Variants in CDYL observed in about 807,000 individuals in gnomAD.
CDYL encodes the protein chromodomain Y like.
Under a neutral mutation model 47.3 loss-of-function variants are expected in CDYL, and 8 were observed. The observed-to-expected ratio is 0.17, with a 90% CI of 0.10 to 0.31. The LOEUF (loss-of-function observed/expected upper bound fraction) is 0.31. CDYL is among the 10% of genes least tolerant of loss of function. CDYL has a pLI of 1.00. For synonymous variants in CDYL, 266 were observed against 265.0 expected (o/e 1.00, Z -0.04); for missense variants, 471 against 701.4 (o/e 0.67, Z 3.71).
intron 1 of CDYL, among the ~76,000 whole-genome samples, chr6:4,783,636 C>G (rs893174899): frequency 1.2e-4 from 18 of 152,032 alleles, no homozygotes; most frequent in African/African-American, 4.3e-4. Context: ...AGGCTAGTCT[C>G]GAACTCCTGA....
chr6:4,903,009 T>C (rs1757115459), intron 2 of CDYL, among the ~76,000 whole-genome samples: 1 of 152,212 alleles, frequency 6.6e-6, no homozygotes, highest in Non-Finnish European at 1.5e-5. Flanking sequence ...TTACACACAT[T>C]AGGGGCTTCA....
At position 4,900,829 on chromosome 6, in the gene CDYL, A is replaced by ATATATATATATATATATC. The variant is rs1757026164; in HGVS notation, c.691+8451_691+8452insATATATATATATATATCT. The stretch of plus-strand genomic sequence containing the variant: ...TATATATATATATATATATATATAT[A>ATATATATATATATATATC]TCTTGCCTGTTTTTCTTTTGGGTGG... On this transcript the variant is annotated intron_variant, in intron 2 of 6. Coordinates refer to ENST00000397588, the MANE Select transcript of CDYL (RefSeq NM_004824.4). Among the ~76,000 whole-genome samples, 3 of 80,244 alleles carry ATATATATATATATATATC rather than the reference A, an allele frequency of 3.7e-5. No individual in the cohort carries two copies. In the Admixed American group the frequency reaches 3.8e-4, roughly 10 times the overall value. 52.6% of individuals were successfully genotyped at this position (80,244 alleles called of 152,430 possible).
chr6:4,763,066 A>G (rs1758200302), intron 3 of CDYL, among the ~76,000 whole-genome samples: 1 of 152,220 alleles, frequency 6.6e-6, no homozygotes, highest in African/African-American at 2.4e-5. Context: ...CCTTCAAAGG[A>G]GCAAAAATAT....
intron 1 of CDYL, among the ~76,000 whole-genome samples, chr6:4,876,199 A>G (rs2127475541): frequency 6.6e-6 from 1 of 152,312 alleles, no homozygotes; most frequent in East Asian, 1.9e-4. Context: ...GAATCATATT[A>G]CAAAGTATTT....
At chr6:4,836,326 AT>A in intron 1 of CDYL, 1 of 892,494 alleles carries the variant, frequency 1.1e-6, no homozygotes, top group Non-Finnish European at 1.3e-6. Flanking sequence ...TTAATTATTT[AT>A]TTTATACGTG....
chr6:4,801,396 T>G (rs1047156183), intron 1 of CDYL, among the ~76,000 whole-genome samples: 6 of 152,260 alleles, frequency 3.9e-5, no homozygotes, highest in Non-Finnish European at 8.8e-5. Context: ...TCATTTTACC[T>G]GCAGAGGGTC....
rs575405932 is a variant in CDYL, at chr6:4,792,453, A to G, written c.24+15646A>G. Among the ~76,000 whole-genome samples the G allele has an allele frequency of 4.9e-3, 719 of 146,692 alleles. 5 individuals carry two copies. The highest frequency in any genetic ancestry group is 0.017 in the African/African-American group (686 of 39,524). ...AAAAAATTTTTTTTTTTTTTTTGAG[A>G]CAGAGTCTCACTCTGTTGCCCAGGC... On this transcript the variant is annotated intron_variant, in intron 1 of 6. Transcript: ENST00000397588.
intron 1 of CDYL, among the ~76,000 whole-genome samples, chr6:4,864,025 A>G (rs1761249401): frequency 6.6e-6 from 1 of 152,232 alleles, no homozygotes; most frequent in African/African-American, 2.4e-5. Context: ...TTGAAGGCAC[A>G]GAGGGAGAAA....
intron 1 of CDYL, among the ~76,000 whole-genome samples, chr6:4,794,507 G>A (rs1225125924): frequency 6.6e-6 from 1 of 152,112 alleles, no homozygotes; most frequent in East Asian, 1.9e-4. Flanking sequence ...GGGAGTGCCG[G>A]GCAGGCTCCG....
chr6:4,794,810 A>C (rs979274750), intron 1 of CDYL, among the ~76,000 whole-genome samples: 14 of 152,178 alleles, frequency 9.2e-5, no homozygotes, highest in African/African-American at 3.4e-4. Context: ...GTTGATGGAA[A>C]AGCAGTTGGT....
intron 2 of CDYL, among the ~76,000 whole-genome samples, chr6:4,912,697 T>C (rs957735121): frequency 1.3e-5 from 2 of 152,014 alleles, no homozygotes; most frequent in Admixed American, 1.3e-4. Flanking sequence ...TGCTGAGGAG[T>C]CCAGGATCAA....
chr6:4,927,428 C>CATGTGTGTGTGTGT (rs1554108575), intron 2 of CDYL, among the ~76,000 whole-genome samples: 5 of 142,458 alleles, frequency 3.5e-5, no homozygotes, highest in Non-Finnish European at 6.0e-5. Flanking sequence ...ATTTACTGTA[C>CATGTGTGTGTGTGT]GTGTGTGTGT....
intron 2 of CDYL, among the ~76,000 whole-genome samples, chr6:4,717,242 T>TA (rs960414473): frequency 8.5e-5 from 13 of 152,224 alleles, no homozygotes; most frequent in African/African-American, 2.6e-4. Context: ...AGAAAGAGGT[T>TA]ATCCTCAATT....
chr6:4,773,913 T>C (rs1758376278), upstream of CDYL, among the ~76,000 whole-genome samples: 1 of 152,236 alleles, frequency 6.6e-6, no homozygotes, highest in Non-Finnish European at 1.5e-5. This position sits in a 1 kb window ranked among gnomAD's most constrained non-coding sequence, Gnocchi z 4.6. Flanking sequence ...AGTTGCCTTT[T>C]TGAGGCTATA....
At chr6:4,879,652 G>T (rs1761711944) in intron 1 of CDYL, among the ~76,000 whole-genome samples, 1 of 146,768 alleles carries the variant, frequency 6.8e-6, no homozygotes, top group Non-Finnish European at 1.5e-5. Flanking sequence ...TCTGCCTCCC[G>T]GGTTCAAGCA....
intron 1 of CDYL, among the ~76,000 whole-genome samples, chr6:4,793,534 G>A (rs1758987410): frequency 6.6e-6 from 1 of 152,158 alleles, no homozygotes; most frequent in Non-Finnish European, 1.5e-5. Flanking sequence ...AGTACTTTGA[G>A]TTTTATTTGT....
intron 1 of CDYL, among the ~76,000 whole-genome samples, chr6:4,788,246 T>A (rs535710365): frequency 3.3e-5 from 5 of 151,824 alleles, no homozygotes; most frequent in African/African-American, 1.2e-4. Context: ...TCCCAGAACT[T>A]CGGGAGGCCA....
intron 2 of CDYL, among the ~76,000 whole-genome samples, chr6:4,732,363 G>A (rs1208556147): frequency 6.6e-6 from 1 of 151,836 alleles, no homozygotes; most frequent in East Asian, 1.9e-4. Flanking sequence ...TAATTTAATG[G>A]GAAGAAATGT....
intron 1 of CDYL, among the ~76,000 whole-genome samples, chr6:4,816,622 C>T (rs1229301799): frequency 6.6e-6 from 1 of 151,480 alleles, no homozygotes; most frequent in Non-Finnish European, 1.5e-5. Flanking sequence ...CCTCAGCCTC[C>T]TGAATTGCTG....
Sources: allele counts gnomAD v4.1 joint callset (sites outside exome capture counted in the v4.1 genomes callset), GRCh38; gene constraint gnomAD v4.1.1; non-coding constraint Gnocchi (gnomAD v3.1); transcripts MANE v1.5; gene names NCBI Gene and HGNC (gene_info 2026-07-23, HGNC 2026-07-21).